The following PKN2 variants were observed in gnomAD, a reference collection of about 807,000 sequenced individuals.
PKN2 encodes the protein protein kinase N2.
In PKN2, 38 loss-of-function variants were observed where a neutral mutation model predicts 119.1. The ratio of observed to expected loss-of-function variants is 0.32; its 90% CI spans 0.25 to 0.42. The LOEUF is 0.42. Ranked by LOEUF, PKN2 falls within the 10% of genes least tolerant of loss-of-function variation. The probability of loss-of-function intolerance (pLI) is 1.00; values close to 1 mark genes in which losing one functional copy is unlikely to be tolerated. For missense variants in PKN2, 850 were observed against 1,165.1 expected (o/e 0.73, Z 3.94); for synonymous variants, 390 against 384.9 (o/e 1.01, Z -0.15).
At chr1:88,814,095 ACAGAAGAGTCTGTAT>A (rs1353136990) in intron 16 of PKN2, among the ~76,000 whole-genome samples, 1 of 152,202 alleles carries the variant, frequency 6.6e-6, no homozygotes, top group Non-Finnish European at 1.5e-5. Flanking sequence ...AAAAGAAAGT[ACAGAAGAGTCTGTAT>A]CATATATTTA....
intron 15 of PKN2, 72 bp from the exon 16 acceptor site, chr1:88,813,485 A>C (rs1382550457): frequency 7.3e-6 from 8 of 1,090,982 alleles, no homozygotes; most frequent in Non-Finnish European, 1.0e-5. Context: ...TAAGTTTAGT[A>C]ATTTATAAAG....
chr1:88,781,532 T>G (rs1670345953), intron 6 of PKN2, among the ~76,000 whole-genome samples: 1 of 152,114 alleles, frequency 6.6e-6, no homozygotes, highest in Admixed American at 6.5e-5. Context: ...TTCTTGGATT[T>G]GCTTGTTTTA....
At position 88,824,962 on chromosome 1, in the gene PKN2, C is replaced by G. The variant is rs577607124; in HGVS notation, c.2419+576C>G. On this transcript the variant is annotated intron_variant, in intron 18 of 21. Transcript: ENST00000370521. ...AAACTTAGTTTTAACCTCTTTGAGT[C>G]TTATTTCCCCAATTATAAAAAAATG... 2.0e-5 allele frequency among the ~76,000 whole-genome samples: 3 copies of G among 152,282 alleles called. No individual in the cohort carries two copies. In the South Asian group the frequency reaches 6.2e-4, roughly 32 times the overall value.
chr1:88,778,050 T>C (rs1311178232), intron 6 of PKN2, among the ~76,000 whole-genome samples: 1 of 152,178 alleles, frequency 6.6e-6, no homozygotes, highest in Non-Finnish European at 1.5e-5. Flanking sequence ...GATCTCTGAA[T>C]CCACCCGTGA....
chr1:88,707,879 G>A (rs1217145261), intron 1 of PKN2, among the ~76,000 whole-genome samples: 3 of 152,114 alleles, frequency 2.0e-5, no homozygotes, highest in Non-Finnish European at 4.4e-5. Context: ...TTAGATAATG[G>A]TGAAAGTAAT....
At chr1:88,684,891 G>T in intron 1 of PKN2, 1 of 396,276 alleles carries the variant, frequency 2.5e-6, no homozygotes, top group Admixed American at 4.5e-5. Flanking sequence ...CTGCAGCCCT[G>T]CTGCAGCGGG....
At chr1:88,692,019 G>A (rs1172423490) in intron 1 of PKN2, among the ~76,000 whole-genome samples, 3 of 151,528 alleles carry the variant, frequency 2.0e-5, no homozygotes, top group Non-Finnish European at 2.9e-5. Flanking sequence ...AAGGTCTCTC[G>A]GTGGATAAAA....
chr1:88,807,270 T>A (rs765823844), intron 12 of PKN2, 43 bp from the exon 13 acceptor site: 4 of 1,265,182 alleles, frequency 3.2e-6, no homozygotes, highest in Admixed American at 2.5e-5. Flanking sequence ...TAAGTTGTTT[T>A]CTGGGTATTT....
chr1:88,807,869 C>A, intron 15 of PKN2, 94 bp downstream of exon 15: 1 of 699,012 alleles, frequency 1.4e-6, no homozygotes, highest in Non-Finnish European at 2.5e-6. Flanking sequence ...TATGATTTTA[C>A]AGTAATATGT....
At position 88,705,922 on chromosome 1, in the gene PKN2, G is replaced by T. The variant is rs113859568; in HGVS notation, c.48+21294G>T. The stretch of plus-strand genomic sequence containing the variant: ...TTTTTATAAGTCTCGGAATCTGGGA[G>T]TATTAGTCTTCCAAATTTACTCTCC... On this transcript the variant is annotated intron_variant, in intron 1 of 21. Coordinates refer to ENST00000370521, the MANE Select transcript of PKN2 (RefSeq NM_006256.4). 9.0e-3 allele frequency among the ~76,000 whole-genome samples: 1,376 copies of T among 152,078 alleles called. 12 individuals carry two copies. Among genetic ancestry groups the T allele is most frequent in the Non-Finnish European group, 0.013 (915 of 67,998 alleles).
chr1:88,737,836 G>A (rs943346314), intron 1 of PKN2, among the ~76,000 whole-genome samples: 15 of 152,134 alleles, frequency 9.9e-5, no homozygotes, highest in African/African-American at 3.6e-4. Flanking sequence ...TCTGTGCTGT[G>A]CTTATAGTTG....
chr1:88,823,611 C>T (rs538263586), intron 17 of PKN2, among the ~76,000 whole-genome samples: 81 of 143,482 alleles, frequency 5.6e-4, no homozygotes, highest in South Asian at 2.2e-3. Context: ...GGCTGAGGCA[C>T]GAGAATTGCT....
rs1461546829 is a variant in PKN2, at chr1:88,835,103, T to C, written c.*1655T>C. ...ATATTTGCTGGGATGTTTTAGCATC[T>C]TTTCATTGTACTCTGAGAACAATTA... On this transcript the variant is annotated 3_prime_UTR_variant, in exon 22 of 22. Transcript: ENST00000370521. The C allele has an allele frequency of 6.6e-6, 1 of 152,274 alleles. No individual in the cohort carries two copies. Among genetic ancestry groups the C allele is most frequent in the Non-Finnish European group, 1.5e-5 (1 of 67,924 alleles). The allele number at this position is 152,274 out of a possible 1,614,324, so 9.4% of individuals were successfully genotyped here.
At chr1:88,744,748 A>G (rs1402514541) in intron 2 of PKN2, among the ~76,000 whole-genome samples, 1 of 152,198 alleles carries the variant, frequency 6.6e-6, no homozygotes, top group Non-Finnish European at 1.5e-5. Context: ...TCACCTCTGT[A>G]ATAATAATCT....
At chr1:88,691,117 G>T (rs1229688953) in intron 1 of PKN2, among the ~76,000 whole-genome samples, 1 of 152,102 alleles carries the variant, frequency 6.6e-6, no homozygotes, top group Non-Finnish European at 1.5e-5. Flanking sequence ...AGCTTGAAGT[G>T]CAGTGACGTG....
intron 16 of PKN2, among the ~76,000 whole-genome samples, chr1:88,817,377 T>G (rs2100904025): frequency 7.0e-6 from 1 of 142,040 alleles, no homozygotes; most frequent in South Asian, 2.4e-4. Context: ...GCCACTGCAC[T>G]CCAGCCTGGC....
At chr1:88,708,073 T>C (rs1570506545) in intron 1 of PKN2, among the ~76,000 whole-genome samples, 1 of 152,330 alleles carries the variant, frequency 6.6e-6, no homozygotes, top group South Asian at 2.1e-4. Context: ...CTAACACTAA[T>C]GCAGATTGTT....
chr1:88,833,728 ATAG>A lies in PKN2; in HGVS notation c.*282_*284del, dbSNP rs1672827476. On this transcript the variant is annotated 3_prime_UTR_variant, in exon 22 of 22. Coordinates refer to ENST00000370521, the MANE Select transcript of PKN2 (RefSeq NM_006256.4). ...ATCCATCACGAATACTTTTGGATCA[ATAG>A]TCTATTTTTAAAAAGAAAGAAAAAA... 1 of 320,712 alleles carries A rather than the reference ATAG, an allele frequency of 3.1e-6. No homozygotes were observed. The allele number at this position is 320,712 out of a possible 1,614,324, so 19.9% of individuals were successfully genotyped here.
intron 3 of PKN2, among the ~76,000 whole-genome samples, chr1:88,764,645 T>C (rs1246717449): frequency 1.3e-5 from 2 of 152,230 alleles, no homozygotes; most frequent in Non-Finnish European, 2.9e-5. Flanking sequence ...ATTGTTCTTT[T>C]TCTTATTTCA....
Sources: gnomAD v4.1 joint callset for allele counts (sites outside exome capture counted in the v4.1 genomes callset) on GRCh38, gnomAD v4.1.1 for gene constraint, MANE v1.5 for transcripts, NCBI Gene and HGNC (gene_info 2026-07-23, HGNC 2026-07-21) for gene names.